The following SLC30A8 variants were observed in gnomAD, a reference collection of about 807,000 sequenced individuals.
SLC30A8 encodes the protein solute carrier family 30 member 8, also known as proton-coupled zinc antiporter SLC30A8.
A neutral mutation model predicts 36.9 loss-of-function variants in SLC30A8; 27 were observed. The observed-to-expected ratio is 0.73, with a 90% CI of 0.54 to 1.01. SLC30A8 has a LOEUF of 1.01. Among genes scored for constraint, SLC30A8 ranks in the 50% least tolerant of loss-of-function variants. The probability of loss-of-function intolerance (pLI) is 0.00; values close to 1 mark genes in which losing one functional copy is unlikely to be tolerated. For missense variants in SLC30A8, 439 were observed against 452.0 expected (o/e 0.97, Z 0.26); for synonymous variants, 164 against 172.4 (o/e 0.95, Z 0.38).
At chr8:117,080,960 G>C (rs1818657959) in intron 2 of SLC30A8, among the ~76,000 whole-genome samples, 1 of 152,048 alleles carries the variant, frequency 6.6e-6, no homozygotes, top group African/African-American at 2.4e-5. Flanking sequence ...ATTTTGTGAT[G>C]GTCTGTTTTG....
intron 1 of SLC30A8, among the ~76,000 whole-genome samples, 153 bp downstream of exon 1, chr8:117,135,551 C>A (rs1435062917): frequency 1.3e-5 from 2 of 151,900 alleles, no homozygotes; most frequent in Admixed American, 6.6e-5. Context: ...ATTTTATATT[C>A]TGAAAAATGC....
rs563512224 is a variant in SLC30A8 at position 117,092,373 on chromosome 8, A to AAAAAAC, written c.-225-42905_-225-42900dup. ...CCTACAACAAATTAAACAGCAAATT[A>AAAAAAC]AAAAACACTATGATGAGTTAAGAGA... is the stretch of plus-strand genomic sequence containing the variant. On this transcript the variant is annotated intron_variant, in intron 2 of 10. Coordinates refer to the SLC30A8 transcript ENST00000427715. Among the ~76,000 whole-genome samples, 34 of 152,290 alleles carry AAAAAAC rather than the reference A, an allele frequency of 2.2e-4. No individual in the cohort carries two copies. The South Asian group carries it at 7.1e-3, about 32-fold the overall frequency.
At chr8:116,964,642 A>C (rs1814539462) in intron 1 of SLC30A8, among the ~76,000 whole-genome samples, 1 of 152,196 alleles carries the variant, frequency 6.6e-6, no homozygotes, top group Non-Finnish European at 1.5e-5. Context: ...CTAATGGATC[A>C]AGGTGCCAAA....
intron 1 of SLC30A8, among the ~76,000 whole-genome samples, chr8:116,976,828 T>TCTTTCTTTCTTTCTTTCTTTC (rs1563731085): frequency 6.8e-6 from 1 of 146,102 alleles, no homozygotes; most frequent in African/African-American, 2.7e-5. Context: ...CTTTCTTTTT[T>TCTTTCTTTCTTTCTTTCTTTC]TTTTTTTTTT....
At chr8:116,999,634 A>G (rs887219085) in intron 1 of SLC30A8, among the ~76,000 whole-genome samples, 1 of 152,220 alleles carries the variant, frequency 6.6e-6, no homozygotes, top group Non-Finnish European at 1.5e-5. Flanking sequence ...AATTAATTCT[A>G]TTGCAGTGCC....
In SLC30A8 at chr8:117,123,674, A is replaced by G. The variant is rs116701434; in HGVS notation, c.-225-11606A>G. 2.8e-3 allele frequency among the ~76,000 whole-genome samples: 431 copies of G among 152,178 alleles called. 1 individual carries two copies. The highest frequency in any genetic ancestry group is 9.6e-3 in the African/African-American group (398 of 41,562). ...AATTCACCTACAATAAAGTTCACGT[A>G]AGTGTATAATTCAATGATTTTTAGT... On this transcript the variant is annotated intron_variant, in intron 2 of 10. Coordinates refer to the SLC30A8 transcript ENST00000427715.
At chr8:117,130,012 A>C (rs1821063671), upstream of SLC30A8, 1 of 151,980 alleles carries the variant, frequency 6.6e-6, no homozygotes, top group African/African-American at 2.4e-5. Flanking sequence ...AAGGTGCCTC[A>C]CTTGTCTTCA....
At chr8:117,104,708 A>C (rs1819898407) in intron 2 of SLC30A8, among the ~76,000 whole-genome samples, 1 of 152,174 alleles carries the variant, frequency 6.6e-6, no homozygotes, top group African/African-American at 2.4e-5. Context: ...AAGTGAAAGC[A>C]AGTTTATTCA....
In SLC30A8 at chr8:117,174,771, C is replaced by G. The variant is rs773701871; in HGVS notation, c.*2090C>G. 6.6e-6 allele frequency: 1 copy of G among 152,482 alleles called. No individual in the cohort carries two copies. The highest frequency in any genetic ancestry group is 1.5e-5 in the Non-Finnish European group (1 of 67,992). The allele number at this position is 152,482 out of a possible 1,614,324, so 9.4% of individuals were successfully genotyped here. ...TTATGGAGGGAGATTTGTGTGTCAA[C>G]CAAAGTAATTGTCCCATGGCCCCAG... On this transcript the variant is annotated 3_prime_UTR_variant, in exon 8 of 8. Transcript: ENST00000456015.
Position 117,172,926 on chromosome 8 carries a change from C to T in SLC30A8, c.*245C>T, listed in dbSNP as rs1823465007. 4.1e-6 allele frequency: 2 copies of T among 483,904 alleles called. No homozygotes were observed. Among genetic ancestry groups the T allele is most frequent in the Non-Finnish European group, 3.6e-6 (1 of 274,140 alleles). The allele number at this position is 483,904 out of a possible 1,614,324, so 30.0% of individuals were successfully genotyped here. ...GCAGGAATGTGTATATAGATTATTC[C>T]TGAGTGGAGCCGAAGTAACAGCTGT... On this transcript the variant is annotated 3_prime_UTR_variant, in exon 8 of 8. Coordinates refer to ENST00000456015, the MANE Select transcript of SLC30A8 (RefSeq NM_173851.3).
At chr8:117,067,455 C>A (rs1217478930) in intron 2 of SLC30A8, among the ~76,000 whole-genome samples, 1 of 151,776 alleles carries the variant, frequency 6.6e-6, no homozygotes, top group Admixed American at 6.6e-5. Flanking sequence ...ATTCTCTAAT[C>A]GACCAAGTCA....
rs200403846 is a variant in SLC30A8, at chr8:117,163,415, T to A, written c.724-10T>A. The A allele has an allele frequency of 3.5e-5, 56 of 1,607,418 alleles. No individual in the cohort carries two copies. In the East Asian group the frequency reaches 1.2e-3, roughly 34 times the overall value. On this transcript the variant is annotated splice_polypyrimidine_tract_variant and intron_variant, in intron 5 of 7. Transcript: ENST00000456015. ...ATTCAGTTAACCAAAATCCCTGTTT[T>A]TTTTTCTAGCCAGAGTATAAAATAG...
intron 1 of SLC30A8, among the ~76,000 whole-genome samples, chr8:117,025,129 T>G (rs79345652): frequency 0.013 from 2,025 of 152,316 alleles, 48 homozygotes; most frequent in African/African-American, 0.046. Context: ...CTTGGCACAT[T>G]TGAAATTCGG....
At chr8:117,001,791 A>G (rs1308334411) in intron 1 of SLC30A8, among the ~76,000 whole-genome samples, 1 of 152,212 alleles carries the variant, frequency 6.6e-6, no homozygotes, top group Non-Finnish European at 1.5e-5. Context: ...CATAGAAACC[A>G]TAATATCATA....
chr8:117,035,189 C>G (rs1382831342), intron 1 of SLC30A8, among the ~76,000 whole-genome samples: 1 of 152,180 alleles, frequency 6.6e-6, no homozygotes, highest in African/African-American at 2.4e-5. Flanking sequence ...AGCATTAACC[C>G]AAAAGTTCAA....
At chr8:117,077,420 T>C (rs927244056) in intron 2 of SLC30A8, among the ~76,000 whole-genome samples, 3 of 152,242 alleles carry the variant, frequency 2.0e-5, no homozygotes, top group Non-Finnish European at 2.9e-5. Context: ...AACAAGGTAC[T>C]TTTTCAATTG....
intron 1 of SLC30A8, among the ~76,000 whole-genome samples, chr8:117,142,293 GC>G (rs1317401248): frequency 6.6e-6 from 1 of 152,048 alleles, no homozygotes; most frequent in Non-Finnish European, 1.5e-5. Context: ...GTGGGTCAAA[GC>G]CACCAATGTG....
intron 2 of SLC30A8, among the ~76,000 whole-genome samples, chr8:117,123,160 C>A (rs1820754638): frequency 6.6e-6 from 1 of 151,938 alleles, no homozygotes; most frequent in Non-Finnish European, 1.5e-5. Flanking sequence ...ATCATTTGCT[C>A]CTTGCCACTG....
At chr8:116,991,177 G>A (rs1001383328) in intron 1 of SLC30A8, among the ~76,000 whole-genome samples, 6 of 151,964 alleles carry the variant, frequency 3.9e-5, no homozygotes, top group East Asian at 1.9e-4. Flanking sequence ...AATAGTCATC[G>A]TTTTAAAAAT....
Sources: gnomAD v4.1 joint callset for allele counts (sites outside exome capture counted in the v4.1 genomes callset) on GRCh38, gnomAD v4.1.1 for gene constraint, MANE v1.5 for transcripts, NCBI Gene and HGNC (gene_info 2026-07-23, HGNC 2026-07-21) for gene names.